Variants in TAFA1 observed in about 807,000 individuals in gnomAD.
TAFA1 encodes the protein chemokine-like protein TAFA-1.
Under a neutral mutation model 18.5 loss-of-function variants are expected in TAFA1, and 4 were observed. The ratio of observed to expected loss-of-function variants is 0.22; its 90% CI spans 0.11 to 0.49. The LOEUF (loss-of-function observed/expected upper bound fraction) is 0.49, where lower values mean the gene tolerates loss of function less well. Among genes scored for constraint, TAFA1 ranks in the 20% least tolerant of loss-of-function variants. TAFA1 has a pLI of 0.98. For missense variants in TAFA1, 147 were observed against 169.0 expected (o/e 0.87, Z 0.72); for synonymous variants, 56 against 55.2 (o/e 1.01, Z -0.06).
chr3:68,202,155 A>T (rs1476022133), intron 2 of TAFA1, among the ~76,000 whole-genome samples: 1 of 151,728 alleles, frequency 6.6e-6, no homozygotes, highest in Non-Finnish European at 1.5e-5. Flanking sequence ...AAAACAAACC[A>T]TATCCAGACC....
chr3:68,518,183 G>C (rs558503516), intron 3 of TAFA1, among the ~76,000 whole-genome samples: 1 of 152,118 alleles, frequency 6.6e-6, no homozygotes, highest in Non-Finnish European at 1.5e-5. Context: ...CTGTGTGAGC[G>C]TGGGCATGTT....
At chr3:68,397,363 C>G (rs1227741875) in intron 2 of TAFA1, among the ~76,000 whole-genome samples, 1 of 152,136 alleles carries the variant, frequency 6.6e-6, no homozygotes, top group Non-Finnish European at 1.5e-5. Flanking sequence ...TTTCTGTGTC[C>G]ATGTGTCCTC....
chr3:68,460,023 T>C (rs1375670352), intron 3 of TAFA1, among the ~76,000 whole-genome samples: 1 of 152,136 alleles, frequency 6.6e-6, no homozygotes, highest in African/African-American at 2.4e-5. Flanking sequence ...CTGCATATCA[T>C]CTCTGAAAGA....
At chr3:68,481,215 A>G (rs2072231391) in intron 3 of TAFA1, among the ~76,000 whole-genome samples, 1 of 152,192 alleles carries the variant, frequency 6.6e-6, no homozygotes, top group Non-Finnish European at 1.5e-5. Flanking sequence ...TGATTCTGTG[A>G]CAACAAAGCC....
intron 2 of TAFA1, among the ~76,000 whole-genome samples, chr3:68,227,706 C>T (rs1191372373): frequency 6.6e-6 from 1 of 152,130 alleles, no homozygotes; most frequent in Non-Finnish European, 1.5e-5. Context: ...TTTTTTCTCC[C>T]AACTATGGTC....
intron 2 of TAFA1, among the ~76,000 whole-genome samples, chr3:68,122,156 C>T (rs1478896793): frequency 1.3e-5 from 2 of 152,010 alleles, no homozygotes; most frequent in East Asian, 3.9e-4. Flanking sequence ...TTTCATGATA[C>T]TCTTCTCTGT....
intron 3 of TAFA1, among the ~76,000 whole-genome samples, chr3:68,512,421 T>G (rs1220580225): frequency 1.3e-5 from 2 of 152,132 alleles, no homozygotes; most frequent in African/African-American, 4.8e-5. Context: ...TCTGCAATTT[T>G]CTCTACCTGC....
chr3:68,399,437 T>C (rs1340873014), intron 2 of TAFA1, among the ~76,000 whole-genome samples: 1 of 152,158 alleles, frequency 6.6e-6, no homozygotes, highest in Non-Finnish European at 1.5e-5. Flanking sequence ...TCAGTTCAAT[T>C]GACTGTTTAA....
intron 2 of TAFA1, among the ~76,000 whole-genome samples, chr3:68,043,148 A>G (rs1705201307): frequency 6.6e-6 from 1 of 152,164 alleles, no homozygotes; most frequent in Non-Finnish European, 1.5e-5. Flanking sequence ...CTGGGAATAC[A>G]GGTGTGAGCC....
chr3:68,430,235 T>A (rs1347432315), intron 3 of TAFA1, among the ~76,000 whole-genome samples: 1 of 151,900 alleles, frequency 6.6e-6, no homozygotes, highest in Non-Finnish European at 1.5e-5. Context: ...ACAGGAAGCC[T>A]GAAATGTGAG....
chr3:68,460,922 T>A (rs1197080536), intron 3 of TAFA1, among the ~76,000 whole-genome samples: 1 of 152,196 alleles, frequency 6.6e-6, no homozygotes, highest in Non-Finnish European at 1.5e-5. Flanking sequence ...AAATGGAATC[T>A]TCCTCCAGAA....
chr3:68,379,529 C>T (rs554412979), intron 2 of TAFA1, among the ~76,000 whole-genome samples: 5 of 152,002 alleles, frequency 3.3e-5, no homozygotes, highest in South Asian at 2.1e-4. Flanking sequence ...TTGCTTTTGT[C>T]GTAATTGCTT....
At chr3:68,480,001 AT>A in intron 3 of TAFA1, among the ~76,000 whole-genome samples, 1 of 152,288 alleles carries the variant, frequency 6.6e-6, no homozygotes, top group East Asian at 1.9e-4. Context: ...GGATTCTCTC[AT>A]TTGCATAATG....
intron 2 of TAFA1, among the ~76,000 whole-genome samples, chr3:68,234,250 A>G (rs1415998473): frequency 6.6e-6 from 1 of 152,154 alleles, no homozygotes; most frequent in Non-Finnish European, 1.5e-5. Context: ...CCTCCTACAG[A>G]AAGAAGCTAG....
chr3:68,368,235 A>G (rs17047613), intron 2 of TAFA1, among the ~76,000 whole-genome samples: 4,691 of 152,270 alleles, frequency 0.031, 245 homozygotes, highest in African/African-American at 0.11. Flanking sequence ...TCTTAATCAA[A>G]TTAAATTTAT....
intron 2 of TAFA1, among the ~76,000 whole-genome samples, chr3:68,328,020 A>G (rs565244015): frequency 2.0e-5 from 3 of 152,228 alleles, no homozygotes; most frequent in African/African-American, 4.8e-5. Context: ...TTTTTTTAAT[A>G]TGGTACCTTC....
the TAFA1 span, among the ~76,000 whole-genome samples, chr3:67,997,962 G>A: frequency 2.6e-4 from 40 of 151,774 alleles, no homozygotes; most frequent in African/African-American, 7.5e-4. Flanking sequence ...GGACTGACAT[G>A]AGAAATGTGA....
chr3:68,288,719 G>A (rs917819974), intron 2 of TAFA1, among the ~76,000 whole-genome samples: 1 of 152,180 alleles, frequency 6.6e-6, no homozygotes, highest in African/African-American at 2.4e-5. Flanking sequence ...ATAACAGTGA[G>A]AACTCCATCT....
At chr3:68,123,255 A>C (rs565231583) in intron 2 of TAFA1, among the ~76,000 whole-genome samples, 1 of 152,270 alleles carries the variant, frequency 6.6e-6, no homozygotes, top group South Asian at 2.1e-4. Context: ...CGACAGGAGC[A>C]CAGAGACTGG....
Sources: allele counts gnomAD v4.1 joint callset (sites outside exome capture counted in the v4.1 genomes callset), GRCh38; gene constraint gnomAD v4.1.1; transcripts MANE v1.5; gene names NCBI Gene and HGNC (gene_info 2026-07-23, HGNC 2026-07-21).